IPPK: variants seen among roughly 807,000 people sequenced by gnomAD.
IPPK encodes the protein IPK1 homolog.
IPPK carries 22 observed loss-of-function variants against 64.6 expected under a neutral mutation model. The observed-to-expected ratio is 0.34, with a 90% CI of 0.24 to 0.49. The LOEUF is 0.49. Ranked by LOEUF, IPPK falls within the 20% of genes least tolerant of loss-of-function variation. The pLI is 0.99. For missense variants in IPPK, 532 were observed against 630.7 expected (o/e 0.84, Z 1.68); for synonymous variants, 262 against 247.2 (o/e 1.06, Z -0.56).
At chr9:92,640,597 G>A in intron 8 of IPPK, 113 bp downstream of exon 8, 3 of 772,326 alleles carry the variant, frequency 3.9e-6, no homozygotes, top group African/African-American at 1.7e-5. Flanking sequence ...GACCCCAAAG[G>A]GGATGTCAGA....
At chr9:92,666,734 G>T (rs1852605725) in intron 1 of IPPK, among the ~76,000 whole-genome samples, 1 of 152,208 alleles carries the variant, frequency 6.6e-6, no homozygotes, top group South Asian at 2.1e-4. Context: ...GGCCGTCTCT[G>T]AGTGGAAGGG....
At chr9:92,640,331 G>A (rs890079215) in intron 8 of IPPK, among the ~76,000 whole-genome samples, 23 of 94,710 alleles carry the variant, frequency 2.4e-4, no homozygotes, top group African/African-American at 9.5e-4. Flanking sequence ...GGACACCACT[G>A]CCAGCAGCAG....
chr9:92,630,155 A>G (rs1454717895), intron 11 of IPPK, among the ~76,000 whole-genome samples: 1 of 152,122 alleles, frequency 6.6e-6, no homozygotes, highest in East Asian at 1.9e-4. Context: ...ATGTCCATCA[A>G]TGGATGAATG....
In IPPK at chr9:92,614,722, A is replaced by G. The variant is rs1851378245; in HGVS notation, c.*1110T>C. The G allele has an allele frequency of 6.6e-6, 1 of 152,640 alleles. No individual in the cohort carries two copies. Among genetic ancestry groups the G allele is most frequent in the Non-Finnish European group, 1.5e-5 (1 of 68,038 alleles). The allele number at this position is 152,640 out of a possible 1,614,324, so 9.5% of individuals were successfully genotyped here. ...AAGCCTCCATTAGTCCCTCAAAACGATGATATAAATAAGTCTGTACAACCT... is the reference window on the plus strand; with the variant it reads ...AAGCCTCCATTAGTCCCTCAAAACGGTGATATAAATAAGTCTGTACAACCT... On this transcript the variant is annotated 3_prime_UTR_variant, in exon 13 of 13. Transcript: ENST00000287996.
At position 92,649,465 on chromosome 9, in the gene IPPK, A is replaced by G; in HGVS notation, c.402T>C (p.Cys134=). 1 of 1,614,124 alleles carries G rather than the reference A, an allele frequency of 6.2e-7. No individual in the cohort carries two copies. The highest frequency in any genetic ancestry group is 8.5e-7 in the Non-Finnish European group (1 of 1,180,008). ...CTCGACAGGTCACCTTAATCTCTAC[A>G]CACAGAATCGGCCGGTGCTCTGCAA... is the stretch of plus-strand genomic sequence containing the variant. ...YRFAEHRPIL[C]VEIKPKCGFI... The change falls in exon 5 of 13, where the codon TGT becomes TGC. Residue 134 remains cysteine, a synonymous_variant. Coordinates refer to ENST00000287996, the MANE Select transcript of IPPK (RefSeq NM_022755.6).
chr9:92,638,984 C>A (rs1351834849), intron 8 of IPPK, among the ~76,000 whole-genome samples: 2 of 152,214 alleles, frequency 1.3e-5, no homozygotes. Flanking sequence ...AGGGGAAAGG[C>A]CCCTGACAGC....
Position 92,670,012 on chromosome 9 carries a change from C to T in IPPK, c.-24G>A. On this transcript the variant is annotated 5_prime_UTR_variant, in exon 1 of 13. Coordinates refer to ENST00000287996, the MANE Select transcript of IPPK (RefSeq NM_022755.6). ...ATGCCCAGGCGCAGCCCTGGCGCCT[C>T]GCGGGCTAGGACTCGGGGACGCGAG... 1 of 1,583,270 alleles carries T rather than the reference C, an allele frequency of 6.3e-7. No individual in the cohort carries two copies.
At position 92,614,658 on chromosome 9, in the gene IPPK, A is replaced by G. The variant is rs1253480386; in HGVS notation, c.*1174T>C. Reference sequence around the variant, plus strand: ...TCCTTATTTCTCATGTATCATTTTCATATAATTCCATGGTTTCACTAATAT... The same window carrying G: ...TCCTTATTTCTCATGTATCATTTTCGTATAATTCCATGGTTTCACTAATAT... On this transcript the variant is annotated 3_prime_UTR_variant, in exon 13 of 13. Transcript: ENST00000287996. 2 of 152,662 alleles carry G rather than the reference A, an allele frequency of 1.3e-5. No homozygotes were observed. The highest frequency in any genetic ancestry group is 2.9e-5 in the Non-Finnish European group (2 of 68,052). 9.5% of individuals were successfully genotyped at this position (152,662 alleles called of 1,614,324 possible).
chr9:92,631,039 T>C (rs1587624713), intron 11 of IPPK, among the ~76,000 whole-genome samples: 1 of 152,046 alleles, frequency 6.6e-6, no homozygotes, highest in Non-Finnish European at 1.5e-5. Flanking sequence ...CCAGGCCGGG[T>C]ACCTGCAACA....
chr9:92,667,568 T>C (rs941796447), intron 1 of IPPK, among the ~76,000 whole-genome samples: 16 of 152,156 alleles, frequency 1.1e-4, no homozygotes, highest in Non-Finnish European at 1.9e-4. Flanking sequence ...TTTCAAATGA[T>C]GAGCTAAAAA....
At chr9:92,665,775 C>A (rs949650264) in intron 1 of IPPK, among the ~76,000 whole-genome samples, 3 of 152,024 alleles carry the variant, frequency 2.0e-5, no homozygotes, top group Non-Finnish European at 4.4e-5. Flanking sequence ...ACAAAATAAT[C>A]ATTTAAATTA....
At chr9:92,641,625 C>T (rs1852048492) in intron 7 of IPPK, among the ~76,000 whole-genome samples, 1 of 152,222 alleles carries the variant, frequency 6.6e-6, no homozygotes. Context: ...GTTGGTGCCA[C>T]CTTCTGAATG....
At position 92,656,521 on chromosome 9, in the gene IPPK, T is replaced by C; in HGVS notation, c.160A>G (p.Asn54Asp). 3 of 1,613,576 alleles carry C rather than the reference T, an allele frequency of 1.9e-6. No homozygotes were observed. Among genetic ancestry groups the C allele is most frequent in the Non-Finnish European group, 2.5e-6 (3 of 1,179,508 alleles). The change falls in exon 3 of 13, where the codon AAC (asparagine) becomes GAC (aspartate). Residue 54 changes from asparagine to aspartate, a missense_variant. By Grantham distance (23) the Asn-to-Asp change is conservative. Coordinates refer to ENST00000287996, the MANE Select transcript of IPPK (RefSeq NM_022755.6). ...TSEEIFQHLQNIVDFGKNVMK... is the reference protein window; with the variant it reads ...TSEEIFQHLQDIVDFGKNVMK... Reference sequence around the variant, plus strand: ...ACATTTTTCCCAAAGTCCACTATGTTCTGCAGGTGTTGAAATATCTCTTCC... The same window carrying C: ...ACATTTTTCCCAAAGTCCACTATGTCCTGCAGGTGTTGAAATATCTCTTCC...
In IPPK at chr9:92,638,012, A is replaced by G; in HGVS notation, c.905T>C (p.Leu302Pro). The G allele has an allele frequency of 6.3e-7, 1 of 1,577,716 alleles. No homozygotes were observed. Among genetic ancestry groups the G allele is most frequent in the Non-Finnish European group, 8.6e-7 (1 of 1,160,472 alleles). ...VCEASPFSRS[L>P]RCQGKNTPER... ...AGGCTGGGCCCTACCTTGGCAGCGA[A>G]GGCTCCTACTGAAAGGGCTGGCTTC... The change falls in exon 9 of 13, where the codon CTT (leucine) becomes CCT (proline). Residue 302 changes from leucine (L) to proline (P), a missense_variant. Leu to Pro is a moderately conservative substitution (Grantham distance 98, BLOSUM62 -3). Coordinates refer to ENST00000287996, the MANE Select transcript of IPPK (RefSeq NM_022755.6).
intron 11 of IPPK, among the ~76,000 whole-genome samples, chr9:92,629,538 G>A (rs1458213170): frequency 6.6e-6 from 1 of 152,084 alleles, no homozygotes; most frequent in Non-Finnish European, 1.5e-5. Flanking sequence ...GATCACTTGA[G>A]CTCAGGAGTT....
intron 11 of IPPK, among the ~76,000 whole-genome samples, chr9:92,626,726 C>G (rs573364117): frequency 3.3e-5 from 5 of 151,834 alleles, no homozygotes; most frequent in Non-Finnish European, 7.4e-5. Flanking sequence ...ATACACCAAA[C>G]AGGAAAAATA....
intron 1 of IPPK, among the ~76,000 whole-genome samples, chr9:92,668,999 T>C (rs1214978821): frequency 1.3e-5 from 2 of 152,232 alleles, no homozygotes; most frequent in African/African-American, 4.8e-5. Flanking sequence ...ATGACAATTA[T>C]CACTTGCTAA....
chr9:92,649,958 G>A (rs541715762), intron 4 of IPPK, among the ~76,000 whole-genome samples: 5 of 148,660 alleles, frequency 3.4e-5, no homozygotes, highest in East Asian at 3.9e-4. Flanking sequence ...CCCTAGAGAC[G>A]GAGGTTGTGG....
intron 7 of IPPK, 69 bp from the exon 8 acceptor site, chr9:92,640,851 C>T: frequency 9.1e-7 from 1 of 1,099,046 alleles, no homozygotes; most frequent in Non-Finnish European, 1.4e-6. Context: ...CACACACCTG[C>T]TCGTGGCTCA....
Sources: gnomAD v4.1 joint callset for allele counts (sites outside exome capture counted in the v4.1 genomes callset) on GRCh38, gnomAD v4.1.1 for gene constraint, MANE v1.5 for transcripts, NCBI Gene and HGNC (gene_info 2026-07-23, HGNC 2026-07-21) for gene names.